Variants in HAS1 observed in about 807,000 individuals in gnomAD.
HAS1 encodes the protein hyaluronan synthase 1, also known as HA synthase 1.
A neutral mutation model predicts 35.0 loss-of-function variants in HAS1; 27 were observed. That is an observed-to-expected ratio of 0.77 (90% confidence interval 0.57 to 1.06). The LOEUF (loss-of-function observed/expected upper bound fraction) is 1.06, where lower values mean the gene tolerates loss of function less well. Ranked by LOEUF, HAS1 falls within the 50% of genes least tolerant of loss-of-function variation. HAS1 has a pLI of 0.00. For synonymous variants in HAS1, 409 were observed against 371.2 expected, an observed-to-expected ratio of 1.10 and a Z score of -1.17; for missense variants, 940 against 814.8, an observed-to-expected ratio of 1.15 and a Z score of -1.87.
chr19:51,713,458 C>T lies in HAS1; in HGVS notation c.1703G>A (p.Arg568Gln). 1 of 1,552,594 alleles carries T rather than the reference C, an allele frequency of 6.4e-7. No individual in the cohort carries two copies. The highest frequency in any genetic ancestry group is 8.7e-7 in the Non-Finnish European group (1 of 1,148,546). ...CTGGACGCGGTAGCCCCCGGTCCGCCGCCGGCAAAGCCTCCGCACGCCCAC... is the reference window on the plus strand; with the variant it reads ...CTGGACGCGGTAGCCCCCGGTCCGCTGCCGGCAAAGCCTCCGCACGCCCAC... ...YWVGVRRLCR[R>Q]RTGGYRVQV The change falls in exon 5 of 5, where the codon CGG becomes CAG. Residue 568 changes from arginine to glutamine, a missense_variant. By Grantham distance (43) the Arg-to-Gln change is conservative (BLOSUM62 1). Coordinates refer to ENST00000540069, the MANE Select transcript of HAS1 (RefSeq NM_001297436.2). The surrounding 1 kb of genome is among the most constrained non-coding windows in gnomAD (Gnocchi z 4.5).
Position 51,713,818 on chromosome 19 carries a change from G to T in HAS1, c.1343C>A (p.Ala448Glu), listed in dbSNP as rs780617707. The T allele has an allele frequency of 6.1e-5, 98 of 1,606,052 alleles. No individual in the cohort carries two copies. The highest frequency in any genetic ancestry group is 1.6e-4 in the Middle Eastern group (1 of 6,066). ...GCGCAGGCAGCCCCGCAGCCAGGCC[G>T]CGAAGGCCGCCTTGGCCAGTGCCAC... ...QGVALAKAAF[A>E]AWLRGCLRMV... The change falls in exon 5 of 5, where the codon GCG becomes GAG. Residue 448 changes from alanine to glutamate, a missense_variant. Ala to Glu is a moderately radical substitution (Grantham distance 107). Coordinates refer to ENST00000540069, the MANE Select transcript of HAS1 (RefSeq NM_001297436.2). The surrounding 1 kb of genome is among the most constrained non-coding windows in gnomAD (Gnocchi z 4.5).
At chr19:51,721,472 AT>A (rs1298105097) in intron 1 of HAS1, among the ~76,000 whole-genome samples, 1 of 151,776 alleles carries the variant, frequency 6.6e-6, no homozygotes, top group African/African-American at 2.4e-5. Context: ...ATATATATAA[AT>A]TTTTTTTTAA....
At chr19:51,723,682 G>A (rs1380758338) in intron 1 of HAS1, among the ~76,000 whole-genome samples, 1 of 151,996 alleles carries the variant, frequency 6.6e-6, no homozygotes, top group African/African-American at 2.4e-5. Context: ...GACATGGCAC[G>A]TCTCACCTAC....
chr19:51,717,033 G>T lies in HAS1; in HGVS notation c.860C>A (p.Ala287Asp). ...CTGACAAGCCCGCTCCACATTGAAG[G>T]CTACCCAGTATCGCAGGCTGCTTAG... Reference protein sequence around the residue: ...SFLSSLRYWVAFNVERACQSY... With the variant: ...SFLSSLRYWVDFNVERACQSY... The change falls in exon 3 of 5, where the codon GCC (alanine) becomes GAC (aspartate). Residue 287 changes from alanine (A) to aspartate (D), a missense_variant. By Grantham distance (126) the Ala-to-Asp change is moderately radical. Transcript: ENST00000540069. 6.2e-7 allele frequency: 1 copy of T among 1,614,082 alleles called. No homozygotes were observed. The highest frequency in any genetic ancestry group is 8.5e-7 in the Non-Finnish European group (1 of 1,179,992).
chr19:51,719,838 G>A lies in HAS1; in HGVS notation c.67C>T (p.Leu23=). 10 of 1,551,320 alleles carry A rather than the reference G, an allele frequency of 6.4e-6. No homozygotes were observed. Among genetic ancestry groups the A allele is most frequent in the Admixed American group, 1.9e-5 (1 of 52,046 alleles). ...CRCSGLARRV[L]TIAFALLILG... is the part of the protein sequence containing the mutation. ...ATGAGCAGGGCGAAGGCGATGGTCA[G>A]CACCCTCCGGGCCAGGCCGGAGCAG... Residue 23 remains leucine (L), a synonymous_variant, in exon 2 of 5, where the codon CTG becomes TTG. Coordinates refer to ENST00000540069, the MANE Select transcript of HAS1 (RefSeq NM_001297436.2).
chr19:51,723,884 T>TACACACACGCAC, intron 1 of HAS1, 41 bp downstream of exon 1: 1 of 1,062,618 alleles, frequency 9.4e-7, no homozygotes, highest in East Asian at 3.7e-5. Flanking sequence ...CATGGCTGTA[T>TACACACACGCAC]ACACACACAC....
chr19:51,713,854 C>CA lies in HAS1; in HGVS notation c.1306dup (p.Cys436LeufsTer63). The CA allele has an allele frequency of 6.2e-7, 1 of 1,607,060 alleles. No homozygotes were observed. Among genetic ancestry groups the CA allele is most frequent in the Non-Finnish European group, 8.5e-7 (1 of 1,179,444 alleles). On this transcript the variant is annotated frameshift_variant, in exon 5 of 5. Transcript: ENST00000540069. LOFTEE classifies it low-confidence loss of function (END_TRUNC). The surrounding 1 kb of genome is among the most constrained non-coding windows in gnomAD (Gnocchi z 4.5). ...CTTGGCCAGTGCCACGCCCTGCACG[C>CA]ACAGCAGCACCCACAGCAGCGCCCA...
chr19:51,719,637 C>T lies in HAS1; in HGVS notation c.268G>A (p.Ala90Thr). ...VAAAARGPLD[A>T]ATARSVALTI... ...AGCGCCACACTGCGCGCGGTGGCTG[C>T]ATCCAGCGGCCCCCGCGCCGCCGCC... is the stretch of plus-strand genomic sequence containing the variant. The change falls in exon 2 of 5, where the codon GCA (alanine) becomes ACA (threonine). Residue 90 changes from alanine (A) to threonine (T), a missense_variant. Physicochemically the swap from Ala to Thr is moderately conservative, Grantham distance 58 (BLOSUM62 0). Coordinates refer to ENST00000540069, the MANE Select transcript of HAS1 (RefSeq NM_001297436.2). 2 of 1,538,538 alleles carry T rather than the reference C, an allele frequency of 1.3e-6. No homozygotes were observed. The highest frequency in any genetic ancestry group is 1.7e-6 in the Non-Finnish European group (2 of 1,144,596).
chr19:51,720,308 G>C (rs1021130424), intron 1 of HAS1, among the ~76,000 whole-genome samples: 1 of 151,736 alleles, frequency 6.6e-6, no homozygotes, highest in Non-Finnish European at 1.5e-5. Flanking sequence ...AGAGCCGGGG[G>C]TCTCCCTACA....
intron 3 of HAS1, among the ~76,000 whole-genome samples, chr19:51,716,680 A>G (rs2083588612): frequency 6.6e-6 from 1 of 151,494 alleles, no homozygotes; most frequent in East Asian, 1.9e-4. Flanking sequence ...ACCCACTGCA[A>G]CCTCAAACCT....
At chr19:51,716,413 A>G in intron 3 of HAS1, 25 bp from the exon 4 acceptor site, 1 of 1,594,396 alleles carries the variant, frequency 6.3e-7, no homozygotes. Flanking sequence ...GGTGTGAAAG[A>G]GTGTCAGCCT....
chr19:51,715,237 TC>T (rs2083579002), intron 4 of HAS1, among the ~76,000 whole-genome samples: 1 of 152,154 alleles, frequency 6.6e-6, no homozygotes, highest in Admixed American at 6.5e-5. Flanking sequence ...GTGTCACTTC[TC>T]TGCTTAAAAC....
Position 51,716,360 on chromosome 19 carries a change from C to T in HAS1, c.954G>A (p.Gln318=). 6.2e-7 allele frequency: 1 copy of T among 1,613,784 alleles called. No individual in the cohort carries two copies. Among genetic ancestry groups the T allele is most frequent in the South Asian group, 1.1e-5 (1 of 91,068 alleles). The change falls in exon 4 of 5, where the codon CAG becomes CAA. Residue 318 remains glutamine (Q), a synonymous_variant. Coordinates refer to ENST00000540069, the MANE Select transcript of HAS1 (RefSeq NM_001297436.2). ...TCTGGTTGTACCAGGCCTCAAGAAA[C>T]TGCTGCAAGAGGTTATTCCTATATA... The part of the protein sequence containing the change: ...LGLYRNNLLQ[Q]FLEAWYNQKF...
At position 51,713,691 on chromosome 19, in the gene HAS1, C is replaced by G. The variant is rs111551087; in HGVS notation, c.1470G>C (p.Ser490=). 3.5e-5 allele frequency: 56 copies of G among 1,591,972 alleles called. No individual in the cohort carries two copies. In the African/African-American group the frequency reaches 5.6e-4, roughly 16 times the overall value. ...VTMNQSGWGT[S]GRRKLAANYV... is the part of the protein sequence containing the mutation. ...AGTTAGCGGCCAGCTTCCGCCGGCCCGAGGTGCCCCAGCCACTCTGGTTCA... is the reference window on the plus strand; with the variant it reads ...AGTTAGCGGCCAGCTTCCGCCGGCCGGAGGTGCCCCAGCCACTCTGGTTCA... Residue 490 remains serine, a synonymous_variant, in exon 5 of 5, where the codon TCG becomes TCC. Coordinates refer to ENST00000540069, the MANE Select transcript of HAS1 (RefSeq NM_001297436.2). The surrounding 1 kb of genome is among the most constrained non-coding windows in gnomAD (Gnocchi z 4.5).
rs1345968195 is a variant in HAS1 at position 51,713,686 on chromosome 19, C to A, written c.1475G>T (p.Arg492Leu). ...MNQSGWGTSGRRKLAANYVPL... is the reference protein window; with the variant it reads ...MNQSGWGTSGLRKLAANYVPL... ...GACGTAGTTAGCGGCCAGCTTCCGC[C>A]GGCCCGAGGTGCCCCAGCCACTCTG... The change falls in exon 5 of 5, where the codon CGG becomes CTG. Residue 492 changes from arginine (R) to leucine (L), a missense_variant. By Grantham distance (102) the Arg-to-Leu change is moderately radical (BLOSUM62 -2). Coordinates refer to ENST00000540069, the MANE Select transcript of HAS1 (RefSeq NM_001297436.2). This position sits in a 1 kb window ranked among gnomAD's most constrained non-coding sequence, Gnocchi z 4.5. 9 of 1,589,428 alleles carry A rather than the reference C, an allele frequency of 5.7e-6. No homozygotes were observed. The highest frequency in any genetic ancestry group is 7.7e-6 in the Non-Finnish European group (9 of 1,169,456).
intron 1 of HAS1, 70 bp from the exon 2 acceptor site, chr19:51,719,965 T>A: frequency 2.0e-6 from 2 of 1,008,834 alleles, no homozygotes; most frequent in Non-Finnish European, 2.8e-6. Context: ...GAGAGAAGAT[T>A]AAAAATCCTT....
At position 51,716,852 on chromosome 19, in the gene HAS1, A is replaced by C. The variant is rs1288659529; in HGVS notation, c.925+116T>G. On this transcript the variant is annotated intron_variant, in intron 3 of 4. Coordinates refer to ENST00000540069, the MANE Select transcript of HAS1 (RefSeq NM_001297436.2). The stretch of plus-strand genomic sequence containing the variant: ...CAGCTTCCAGTTTTATCCCATCCCC[A>C]ATTCCTGCCCTGCTGCATCTTTGTT... 5.2e-6 allele frequency: 4 copies of C among 770,818 alleles called. No individual in the cohort carries two copies. The African/African-American group carries it at 6.8e-5, about 13-fold the overall frequency. The allele number at this position is 770,818 out of a possible 1,614,324, so 47.7% of individuals were successfully genotyped here.
At position 51,716,382 on chromosome 19, in the gene HAS1, T is replaced by C. The variant is rs752824314; in HGVS notation, c.932A>G (p.Tyr311Cys). 10 of 1,612,228 alleles carry C rather than the reference T, an allele frequency of 6.2e-6. No homozygotes were observed. The highest frequency in any genetic ancestry group is 8.5e-6 in the Non-Finnish European group (10 of 1,179,274). The change falls in exon 4 of 5, where the codon TAT (tyrosine) becomes TGT (cysteine). Residue 311 changes from tyrosine to cysteine, a missense_variant. Transcript: ENST00000540069. ...VSCISGPLGL[Y>C]RNNLLQQFLE... ...AAACTGCTGCAAGAGGTTATTCCTA[T>C]ATAGGCCTGGGTGGAGGGGAGGTGT... is the stretch of plus-strand genomic sequence containing the variant.
rs1291695809 is a variant in HAS1 at position 51,716,993 on chromosome 19, A to G, written c.900T>C (p.Cys300=). The change falls in exon 3 of 5, where the codon TGT becomes TGC. Residue 300 remains cysteine, a synonymous_variant. Coordinates refer to ENST00000540069, the MANE Select transcript of HAS1 (RefSeq NM_001297436.2). ...VERACQSYFH[C]VSCISGPLGL... ...CTAGAGGACCGCTGATGCAGGATAC[A>G]CAGTGGAAGTAGCTCTGACAAGCCC... The G allele has an allele frequency of 5.0e-6, 8 of 1,613,458 alleles. No individual in the cohort carries two copies. Among genetic ancestry groups the G allele is most frequent in the Non-Finnish European group, 6.8e-6 (8 of 1,179,398 alleles).
Sources: gnomAD v4.1 joint callset for allele counts (sites outside exome capture counted in the v4.1 genomes callset) on GRCh38, gnomAD v4.1.1 for gene constraint, Gnocchi (gnomAD v3.1) non-coding constraint, MANE v1.5 for transcripts, NCBI Gene and HGNC (gene_info 2026-07-23, HGNC 2026-07-21) for gene names.